TANGO6: variants seen among roughly 807,000 people sequenced by gnomAD.
The protein encoded by TANGO6 is transport and Golgi organization protein 6 homolog.
TANGO6 carries 90 observed loss-of-function variants against 114.2 expected under a neutral mutation model. The observed-to-expected ratio is 0.79, with a 90% CI of 0.66 to 0.94. TANGO6 has a LOEUF of 0.94. TANGO6 is among the 40% of genes least tolerant of loss of function. TANGO6 has a pLI of 0.00. For missense variants in TANGO6, 1,274 were observed against 1,315.3 expected, an observed-to-expected ratio of 0.97 and a Z score of 0.49; for synonymous variants, 477 against 509.8, an observed-to-expected ratio of 0.94 and a Z score of 0.87.
intron 17 of TANGO6, among the ~76,000 whole-genome samples, chr16:69,067,338 A>G (rs1960228309): frequency 6.7e-6 from 1 of 149,454 alleles, no homozygotes; most frequent in Admixed American, 6.7e-5. Flanking sequence ...GTGAAACCCC[A>G]TCTCTACTAA....
At chr16:68,968,874 G>A (rs1201794718) in intron 14 of TANGO6, among the ~76,000 whole-genome samples, 3 of 150,066 alleles carry the variant, frequency 2.0e-5, no homozygotes, top group African/African-American at 7.4e-5. Context: ...GTTTCACTGG[G>A]TTAGCCAGGA....
chr16:69,008,497 T>C (rs924334017), intron 15 of TANGO6, among the ~76,000 whole-genome samples: 3 of 152,194 alleles, frequency 2.0e-5, no homozygotes, highest in Non-Finnish European at 4.4e-5. Flanking sequence ...TCCTCCCACT[T>C]AAGCCTCCCA....
chr16:68,965,551 C>T lies in TANGO6; in HGVS notation c.2702-8477C>T, dbSNP rs537126227. ...GCGTGGTAGCTCACGCCTGTAATCC[C>T]AGCACTTTGGGATGCCAAGGCAGGC... On this transcript the variant is annotated intron_variant, in intron 14 of 17. Transcript: ENST00000261778. Among the ~76,000 whole-genome samples, 54 of 152,282 alleles carry T rather than the reference C, an allele frequency of 3.5e-4. No individual in the cohort carries two copies. In the South Asian group the frequency reaches 8.3e-3, roughly 23 times the overall value.
intron 11 of TANGO6, among the ~76,000 whole-genome samples, chr16:68,915,054 T>G (rs1429302942): frequency 1.3e-5 from 2 of 150,232 alleles, no homozygotes; most frequent in Non-Finnish European, 3.0e-5. Context: ...CCCAGCACTT[T>G]GGGAGGCTAC....
chr16:68,960,529 G>A (rs941738324), intron 14 of TANGO6, among the ~76,000 whole-genome samples: 1 of 151,884 alleles, frequency 6.6e-6, no homozygotes, highest in Non-Finnish European at 1.5e-5. Context: ...TTGAGACAGA[G>A]TCTCGCTCTG....
chr16:69,061,394 T>C (rs910069802), intron 17 of TANGO6, among the ~76,000 whole-genome samples: 5 of 151,690 alleles, frequency 3.3e-5, no homozygotes, highest in African/African-American at 9.7e-5. Context: ...AGTGAAACCA[T>C]CTCTACTAAA....
At chr16:68,993,190 G>GA (rs934487357) in intron 15 of TANGO6, among the ~76,000 whole-genome samples, 1 of 152,128 alleles carries the variant, frequency 6.6e-6, no homozygotes, top group African/African-American at 2.4e-5. Flanking sequence ...ACTGGCTTAG[G>GA]AGACACAAGA....
intron 17 of TANGO6, among the ~76,000 whole-genome samples, chr16:69,066,747 A>AAGGT (rs1278195216): frequency 6.6e-6 from 1 of 152,118 alleles, no homozygotes; most frequent in African/African-American, 2.4e-5. Context: ...ATATACTCGT[A>AAGGT]AGGTAGGTGG....
At position 68,909,298 on chromosome 16, in the gene TANGO6, C is replaced by A; in HGVS notation, c.1888C>A (p.Gln630Lys). 6.2e-7 allele frequency: 1 copy of A among 1,611,732 alleles called. No homozygotes were observed. The highest frequency in any genetic ancestry group is 8.5e-7 in the Non-Finnish European group (1 of 1,178,852). The change falls in exon 11 of 18, where the codon CAG becomes AAG. Residue 630 changes from glutamine to lysine, a missense_variant. Coordinates refer to ENST00000261778, the MANE Select transcript of TANGO6 (RefSeq NM_024562.2). The part of the protein sequence containing the change: ...SKSLLELEQH[Q>K]TLLVEGQERK... ...GAGCCTCTTGGAATTAGAGCAACAT[C>A]AGACTCTTCTTGTGGAAGGCCAAGA...
chr16:69,042,716 AAT>A (rs943369047), intron 17 of TANGO6, among the ~76,000 whole-genome samples: 4 of 152,150 alleles, frequency 2.6e-5, no homozygotes, highest in African/African-American at 9.7e-5. Context: ...TAGGGACAAT[AAT>A]ACACATTGCT....
At chr16:68,892,335 AG>A (rs1962634707) in intron 7 of TANGO6, among the ~76,000 whole-genome samples, 1 of 152,134 alleles carries the variant, frequency 6.6e-6, no homozygotes, top group African/African-American at 2.4e-5. Flanking sequence ...AAGAAAGCCG[AG>A]GTGCAATTAG....
Position 68,862,963 on chromosome 16 carries a change from A to G in TANGO6, c.754A>G (p.Arg252Gly). 1 of 1,596,832 alleles carries G rather than the reference A, an allele frequency of 6.3e-7. No homozygotes were observed. The highest frequency in any genetic ancestry group is 1.1e-5 in the South Asian group (1 of 87,514). Residue 252 changes from arginine to glycine, a missense_variant, in exon 3 of 18, where the codon AGA (arginine) becomes GGA (glycine). Around this residue, in one of 5 missense-constraint regions of TANGO6, gnomAD observed 908 missense variants for 910.2 expected, o/e 1.00. Coordinates refer to ENST00000261778, the MANE Select transcript of TANGO6 (RefSeq NM_024562.2). ...CTTTTAGGTTCTAACTGAAGAGGAG[A>G]GAACCCTATCCAGGGGGGCCTTGAG... ...PAEEVLTEEE[R>G]TLSRGALRDM...
intron 9 of TANGO6, among the ~76,000 whole-genome samples, chr16:68,905,707 A>G (rs1179658839): frequency 6.6e-6 from 1 of 152,004 alleles, no homozygotes; most frequent in Non-Finnish European, 1.5e-5. Context: ...CCCGGTTTCT[A>G]CAAAAAAATA....
chr16:69,047,055 C>T (rs1461558457), intron 17 of TANGO6, among the ~76,000 whole-genome samples: 1 of 150,934 alleles, frequency 6.6e-6, no homozygotes. Flanking sequence ...GTGGTCCGTG[C>T]CTATAATCCC....
intron 2 of TANGO6, among the ~76,000 whole-genome samples, chr16:68,860,793 T>C (rs1962081599): frequency 6.6e-6 from 1 of 152,164 alleles, no homozygotes. Flanking sequence ...TGAGCCTCTG[T>C]TTCTTCTTCT....
At chr16:68,860,823 A>G (rs1299737095) in intron 2 of TANGO6, among the ~76,000 whole-genome samples, 1 of 152,094 alleles carries the variant, frequency 6.6e-6, no homozygotes, top group Non-Finnish European at 1.5e-5. Context: ...GTATCATAAT[A>G]CCTGCCTCGG....
chr16:68,950,727 C>T (rs571088807), intron 14 of TANGO6, among the ~76,000 whole-genome samples: 2 of 133,694 alleles, frequency 1.5e-5, no homozygotes, highest in East Asian at 4.7e-4. Flanking sequence ...GGTGTGGTGG[C>T]GGGCACCTGT....
intron 11 of TANGO6, among the ~76,000 whole-genome samples, chr16:68,912,618 A>G (rs746998597): frequency 6.6e-6 from 1 of 151,994 alleles, no homozygotes; most frequent in Non-Finnish European, 1.5e-5. Flanking sequence ...CAGGCTGGGT[A>G]ACAAGAGCAA....
chr16:69,007,562 G>T (rs1039557332), intron 15 of TANGO6, among the ~76,000 whole-genome samples: 2 of 152,044 alleles, frequency 1.3e-5, no homozygotes, highest in Admixed American at 6.5e-5. Flanking sequence ...ACTGTGCCCG[G>T]CCTGGATATG....
Sources: gnomAD v4.1 joint callset for allele counts (sites outside exome capture counted in the v4.1 genomes callset) on GRCh38, gnomAD v4.1.1 for gene constraint, gnomAD v4.1.1 regional missense constraint, MANE v1.5 for transcripts, NCBI Gene and HGNC (gene_info 2026-07-23, HGNC 2026-07-21) for gene names.